CHLSN: variants seen among roughly 807,000 people sequenced by gnomAD.
CHLSN encodes the protein cholesin.
At chr7:1,074,291 C>A in the CHLSN span, among the ~76,000 whole-genome samples, 1 of 119,274 alleles carries the variant, frequency 8.4e-6, no homozygotes, top group Non-Finnish European at 1.8e-5. Flanking sequence ...ATCCCGCTGC[C>A]ATCACGCCTC....
the CHLSN span, among the ~76,000 whole-genome samples, chr7:1,007,895 G>A: frequency 2.6e-5 from 4 of 152,126 alleles, no homozygotes; most frequent in African/African-American, 9.7e-5. Context: ...TGGGAGGGGA[G>A]TCAGGGCGCC....
At chr7:1,015,821 G>A in the CHLSN span, among the ~76,000 whole-genome samples, 62 of 152,288 alleles carry the variant, frequency 4.1e-4, no homozygotes, top group African/African-American at 1.2e-3. Context: ...CCTCACCCAC[G>A]GTGAAGCGAG....
At chr7:1,028,462 G>T in the CHLSN span, 3 of 985,488 alleles carry the variant, frequency 3.0e-6, no homozygotes, top group African/African-American at 3.5e-5. Context: ...TCGGCGCGGG[G>T]GTGGGAGAGC....
At chr7:997,611 C>A in the CHLSN span, 2 of 1,562,392 alleles carry the variant, frequency 1.3e-6, no homozygotes, top group East Asian at 2.4e-5. Context: ...CGGCCCCGCC[C>A]CGCGCTGAAC....
the CHLSN span, among the ~76,000 whole-genome samples, chr7:1,039,299 C>T: frequency 2.2e-5 from 1 of 45,282 alleles, no homozygotes; most frequent in East Asian, 4.9e-4. Context: ...CGCCTCTGCC[C>T]GGCCGCCCCT....
the CHLSN span, among the ~76,000 whole-genome samples, chr7:1,023,624 AACACACAC>A: frequency 0.029 from 3,581 of 122,296 alleles, 124 homozygotes; most frequent in African/African-American, 0.074. This position sits in a 1 kb window ranked among gnomAD's most constrained non-coding sequence, Gnocchi z 5.0. Context: ...CCTCCCAGGA[AACACACAC>A]ACACACACAC....
At chr7:1,017,689 C>G in the CHLSN span, among the ~76,000 whole-genome samples, 1 of 152,234 alleles carries the variant, frequency 6.6e-6, no homozygotes, top group Non-Finnish European at 1.5e-5. Context: ...TGGGATCACC[C>G]CAACACGTGA....
the CHLSN span, among the ~76,000 whole-genome samples, chr7:1,065,123 G>T: frequency 6.6e-6 from 1 of 152,192 alleles, no homozygotes; most frequent in African/African-American, 2.4e-5. Flanking sequence ...TGTTCTAGGG[G>T]CCACGGCACC....
the CHLSN span, among the ~76,000 whole-genome samples, chr7:1,081,467 C>T: frequency 1.1e-4 from 16 of 152,242 alleles, no homozygotes; most frequent in Non-Finnish European, 2.1e-4. Context: ...ACACGGCGGG[C>T]TCGAGCGGGG....
At chr7:1,097,733 C>G in the CHLSN span, among the ~76,000 whole-genome samples, 2 of 152,178 alleles carry the variant, frequency 1.3e-5, no homozygotes, top group African/African-American at 4.8e-5. The surrounding 1 kb of genome is among the most constrained non-coding windows in gnomAD (Gnocchi z 4.3). Context: ...GACGGGACAG[C>G]CCCTCGCTGG....
At chr7:1,126,313 T>C in the CHLSN span, among the ~76,000 whole-genome samples, 1 of 125,256 alleles carries the variant, frequency 8.0e-6, no homozygotes, top group Admixed American at 1.1e-4. Flanking sequence ...TGAGCCAAGA[T>C]GGCGCCACTG....
chr7:1,011,487 C>T, the CHLSN span, among the ~76,000 whole-genome samples: 1 of 143,492 alleles, frequency 7.0e-6, no homozygotes, highest in African/African-American at 2.7e-5. Flanking sequence ...CCAGACACAC[C>T]TTCACACGCC....
At chr7:1,071,356 C>T in the CHLSN span, among the ~76,000 whole-genome samples, 6 of 152,202 alleles carry the variant, frequency 3.9e-5, no homozygotes, top group South Asian at 2.1e-4. Context: ...CCGGAAGGTG[C>T]TGTGGCCCCG....
the CHLSN span, among the ~76,000 whole-genome samples, chr7:1,066,799 T>G: frequency 6.6e-6 from 1 of 152,166 alleles, no homozygotes; most frequent in African/African-American, 2.4e-5. Context: ...GGGCACAATC[T>G]TCACAAAGGC....
At chr7:989,336 C>G in the CHLSN span, 1 of 160,086 alleles carries the variant, frequency 6.2e-6, no homozygotes, top group African/African-American at 2.4e-5. Flanking sequence ...GTGCCAGACT[C>G]TGAGCCAAGC....
chr7:1,035,717 G>A, the CHLSN span, among the ~76,000 whole-genome samples: 1 of 152,202 alleles, frequency 6.6e-6, no homozygotes, highest in Non-Finnish European at 1.5e-5. Context: ...CAGTCACTTG[G>A]AAGTCAGCTG....
the CHLSN span, among the ~76,000 whole-genome samples, chr7:1,005,853 G>A: frequency 6.6e-6 from 1 of 152,136 alleles, no homozygotes; most frequent in Non-Finnish European, 1.5e-5. Context: ...TCTCTCCTGT[G>A]GGGGCACCAC....
the CHLSN span, among the ~76,000 whole-genome samples, chr7:1,060,311 C>A: frequency 6.6e-6 from 1 of 152,172 alleles, no homozygotes; most frequent in African/African-American, 2.4e-5. Context: ...ATTCACTGGG[C>A]AGCGATCCCT....
At chr7:1,061,282 C>T in the CHLSN span, among the ~76,000 whole-genome samples, 1 of 152,140 alleles carries the variant, frequency 6.6e-6, no homozygotes, top group African/African-American at 2.4e-5. Flanking sequence ...GCCCCAGGGA[C>T]ACCCTGCTGC....
Sources: gnomAD v4.1 joint callset for allele counts (sites outside exome capture counted in the v4.1 genomes callset) on GRCh38, gnomAD v4.1.1 for gene constraint, Gnocchi (gnomAD v3.1) non-coding constraint, MANE v1.5 for transcripts, NCBI Gene and HGNC (gene_info 2026-07-23, HGNC 2026-07-21) for gene names.